IQCH: variants seen among roughly 807,000 people sequenced by gnomAD.
The protein encoded by IQCH is IQ motif containing H.
Under a neutral mutation model 117.0 loss-of-function variants are expected in IQCH, and 98 were observed. The observed-to-expected ratio is 0.84, with a 90% CI of 0.71 to 0.99. IQCH has a LOEUF of 0.99. Among genes scored for constraint, IQCH ranks in the 50% least tolerant of loss-of-function variants. The pLI is 0.00. For missense variants in IQCH, 1,102 were observed against 1,243.8 expected, an observed-to-expected ratio of 0.89 and a Z score of 1.72; for synonymous variants, 412 against 448.2, an observed-to-expected ratio of 0.92 and a Z score of 1.02.
In IQCH at chr15:67,475,814, T is replaced by C. The variant is rs2141047618; in HGVS notation, c.2795T>C (p.Val932Ala). 1 of 1,613,866 alleles carries C rather than the reference T, an allele frequency of 6.2e-7. No homozygotes were observed. Among genetic ancestry groups the C allele is most frequent in the East Asian group, 2.2e-5 (1 of 44,884 alleles). The change falls in exon 18 of 21, where the codon GTT becomes GCT. Residue 932 changes from valine to alanine, a missense_variant. Transcript: ENST00000335894. This position sits in a 1 kb window ranked among gnomAD's most constrained non-coding sequence, Gnocchi z 5.7. ...AGGGCCCATGGCATTGGCTATGATG[T>C]TGAGGTATGAAGGGTTACAGTTGGC... Reference protein sequence around the residue: ...ICRAHGIGYDVEERQGTVFIL... With the variant: ...ICRAHGIGYDAEERQGTVFIL...
rs1428424489 is a variant in IQCH, at chr15:67,431,039, G to A, written c.2505+9462G>A. On this transcript the variant is annotated intron_variant, in intron 16 of 20. Transcript: ENST00000335894. The surrounding 1 kb of genome is among the most constrained non-coding windows in gnomAD (Gnocchi z 4.8). ...AGAGAAGGTGGGATTTGAGCCGAAA[G>A]AAAATTAGGATATGAGGAGGGTAAG... Among the ~76,000 whole-genome samples the A allele has an allele frequency of 2.0e-5, 3 of 152,192 alleles. No homozygotes were observed. The highest frequency in any genetic ancestry group is 4.4e-5 in the Non-Finnish European group (3 of 68,026).
chr15:67,480,348 G>A (rs1205767170), intron 18 of IQCH, among the ~76,000 whole-genome samples: 1 of 152,182 alleles, frequency 6.6e-6, no homozygotes, highest in Non-Finnish European at 1.5e-5. Context: ...TTATGCAGAA[G>A]CCTGTAGGAG....
At chr15:67,304,983 A>G (rs1967227580) in intron 4 of IQCH, among the ~76,000 whole-genome samples, 1 of 152,098 alleles carries the variant, frequency 6.6e-6, no homozygotes. Flanking sequence ...CTCAGAGTCA[A>G]TGCCATTTTT....
intron 4 of IQCH, among the ~76,000 whole-genome samples, chr15:67,309,572 C>G (rs926807442): frequency 3.3e-5 from 5 of 151,934 alleles, no homozygotes; most frequent in Non-Finnish European, 7.4e-5. Context: ...TTTGCTGGCT[C>G]CTAGTAGGCC....
intron 18 of IQCH, among the ~76,000 whole-genome samples, chr15:67,488,744 TGC>T (rs2083561414): frequency 6.6e-6 from 1 of 152,226 alleles, no homozygotes; most frequent in Non-Finnish European, 1.5e-5. Context: ...ATAAGGAGCA[TGC>T]AACCTAGATC....
chr15:67,270,937 T>C (rs144619660), intron 3 of IQCH, among the ~76,000 whole-genome samples: 3 of 152,358 alleles, frequency 2.0e-5, no homozygotes, highest in East Asian at 1.9e-4. Flanking sequence ...ATGTATCACA[T>C]TGATTGATTT....
In IQCH at chr15:67,416,523, A is replaced by C. The variant is rs2081581611; in HGVS notation, c.2098-408A>C. 6.6e-6 allele frequency among the ~76,000 whole-genome samples: 1 copy of C among 152,002 alleles called. No homozygotes were observed. Among genetic ancestry groups the C allele is most frequent in the Admixed American group, 6.6e-5 (1 of 15,256 alleles). ...CAAGAGCAAAACTGCGTCTCAAAAAAAAAAAGAAAAAACAAAAAACAAAAA... is the reference window on the plus strand; with the variant it reads ...CAAGAGCAAAACTGCGTCTCAAAAACAAAAAGAAAAAACAAAAAACAAAAA... On this transcript the variant is annotated intron_variant, in intron 14 of 20. Transcript: ENST00000335894. The surrounding 1 kb of genome is among the most constrained non-coding windows in gnomAD (Gnocchi z 5.1).
intron 18 of IQCH, among the ~76,000 whole-genome samples, chr15:67,489,429 G>A (rs1373781553): frequency 4.6e-5 from 7 of 151,820 alleles, no homozygotes; most frequent in East Asian, 3.9e-4. Flanking sequence ...AGGTTCAAGC[G>A]ATTCTCCTGC....
chr15:67,292,890 A>T (rs1486064475), intron 4 of IQCH, among the ~76,000 whole-genome samples: 1 of 152,132 alleles, frequency 6.6e-6, no homozygotes, highest in South Asian at 2.1e-4. Context: ...CCAGTCCTGG[A>T]TCTGTTATCC....
In IQCH at chr15:67,465,415, A is replaced by C; in HGVS notation, c.2676+118A>C. ...CAGGAAGAAGAAAGAGCCTAAGGCA[A>C]GTCATTGGACTTGTCTGAGCAGGGT... On this transcript the variant is annotated intron_variant, in intron 17 of 20. Coordinates refer to ENST00000335894, the MANE Select transcript of IQCH (RefSeq NM_001031715.3). The surrounding 1 kb of genome is among the most constrained non-coding windows in gnomAD (Gnocchi z 5.9). The C allele has an allele frequency of 9.1e-7, 1 of 1,097,204 alleles. No individual in the cohort carries two copies. The highest frequency in any genetic ancestry group is 1.3e-6 in the Non-Finnish European group (1 of 766,734). The allele number at this position is 1,097,204 out of a possible 1,614,324, so 68.0% of individuals were successfully genotyped here. A position where few individuals can be genotyped will look rare whatever the true frequency, so the allele number is the denominator to read the frequency against.
In IQCH at chr15:67,474,959, C is replaced by T. The variant is rs902493513; in HGVS notation, c.2677-737C>T. On this transcript the variant is annotated intron_variant, in intron 17 of 20. Coordinates refer to ENST00000335894, the MANE Select transcript of IQCH (RefSeq NM_001031715.3). This position sits in a 1 kb window ranked among gnomAD's most constrained non-coding sequence, Gnocchi z 4.1. ...GTCTAATCAGGAGAAAAACATCAGA[C>T]AAACTGAAATTGAGAGAGATTTCAC... is the stretch of plus-strand genomic sequence containing the variant. Among the ~76,000 whole-genome samples, 2 of 152,096 alleles carry T rather than the reference C, an allele frequency of 1.3e-5. No individual in the cohort carries two copies. Among genetic ancestry groups the T allele is most frequent in the Non-Finnish European group, 2.9e-5 (2 of 68,022 alleles).
intron 9 of IQCH, among the ~76,000 whole-genome samples, chr15:67,372,966 T>G (rs1206867534): frequency 2.0e-5 from 3 of 152,204 alleles, no homozygotes; most frequent in African/African-American, 7.2e-5. Flanking sequence ...ATCAATGTTT[T>G]AACTGCATTA....
intron 4 of IQCH, among the ~76,000 whole-genome samples, chr15:67,280,330 T>TTTTGTA (rs71142367): frequency 0.23 from 35,002 of 152,054 alleles, 4,467 homozygotes; most frequent in East Asian, 0.48. Context: ...GTTCTCTCAA[T>TTTTGTA]TCTGTTTTGT....
Position 67,377,135 on chromosome 15 carries a change from A to G in IQCH, c.1372+3702A>G, listed in dbSNP as rs4299099. Among the ~76,000 whole-genome samples the G allele has an allele frequency of 2.1e-5, 3 of 144,404 alleles. No individual in the cohort carries two copies. The South Asian group carries it at 6.4e-4, about 31-fold the overall frequency. The allele number at this position is 144,404 out of a possible 152,430, so 94.7% of individuals were successfully genotyped here. A position where few individuals can be genotyped will look rare whatever the true frequency, so the allele number is the denominator to read the frequency against. On this transcript the variant is annotated intron_variant, in intron 10 of 20. Transcript: ENST00000335894. ...CATCTCAAAAAAAAAAAAAAAAGAA[A>G]AAAAGAAAAAAAGAAAGGAGGACTT...
At chr15:67,420,991 T>C (rs1021571794) in intron 15 of IQCH, among the ~76,000 whole-genome samples, 1 of 152,232 alleles carries the variant, frequency 6.6e-6, no homozygotes, top group African/African-American at 2.4e-5. Flanking sequence ...TAAGTGGGCA[T>C]AGACCCAGTG....
Position 67,337,020 on chromosome 15 carries a change from A to G in IQCH, c.433A>G (p.Thr145Ala). The stretch of plus-strand genomic sequence containing the variant: ...CAAAGGGTCTAACATATCCAGCCTC[A>G]CGGTTCTGCCATCTTCTCATTGCAC... ...LIKGSNISSL[T>A]VLPSSHCTDP... is the part of the protein sequence containing the mutation. The change falls in exon 5 of 21, where the codon ACG becomes GCG. Residue 145 changes from threonine (T) to alanine (A), a missense_variant. Thr to Ala is a moderately conservative substitution (Grantham distance 58). Transcript: ENST00000335894. 6.2e-7 allele frequency: 1 copy of G among 1,613,812 alleles called. No individual in the cohort carries two copies. The highest frequency in any genetic ancestry group is 1.3e-5 in the African/African-American group (1 of 75,024).
At chr15:67,460,586 T>C (rs980100347) in intron 16 of IQCH, among the ~76,000 whole-genome samples, 2 of 152,232 alleles carry the variant, frequency 1.3e-5, no homozygotes, top group African/African-American at 4.8e-5. Flanking sequence ...TTATTTTTTG[T>C]ATTCCTTGTG....
intron 4 of IQCH, among the ~76,000 whole-genome samples, chr15:67,292,756 T>G (rs1196561001): frequency 6.6e-6 from 1 of 152,192 alleles, no homozygotes; most frequent in Non-Finnish European, 1.5e-5. Flanking sequence ...GAACTGTTTC[T>G]CTTTCACTCA....
In IQCH at chr15:67,407,138, C is replaced by T. The variant is rs1181779108; in HGVS notation, c.2097+6833C>T. The stretch of plus-strand genomic sequence containing the variant: ...CCAGTTGTTCCCAGCCTATGCTTTA[C>T]CCAGACAGTGCCTTGGAAAGAATAA... On this transcript the variant is annotated intron_variant, in intron 14 of 20. Transcript: ENST00000335894. This position sits in a 1 kb window ranked among gnomAD's most constrained non-coding sequence, Gnocchi z 5.3. The T allele has an allele frequency of 6.6e-6, 1 of 152,170 alleles. No individual in the cohort carries two copies. Among genetic ancestry groups the T allele is most frequent in the Non-Finnish European group, 1.5e-5 (1 of 68,036 alleles). 9.4% of individuals were successfully genotyped at this position (152,170 alleles called of 1,614,324 possible).
Sources: allele counts gnomAD v4.1 joint callset (sites outside exome capture counted in the v4.1 genomes callset), GRCh38; gene constraint gnomAD v4.1.1; non-coding constraint Gnocchi (gnomAD v3.1); transcripts MANE v1.5; gene names NCBI Gene and HGNC (gene_info 2026-07-23, HGNC 2026-07-21).